Variants in SGCZ observed in about 807,000 individuals in gnomAD.
The protein encoded by SGCZ is sarcoglycan zeta, also known as zeta-sarcoglycan.
A neutral mutation model predicts 41.3 loss-of-function variants in SGCZ; 40 were observed. The ratio of observed to expected loss-of-function variants is 0.97; its 90% CI spans 0.75 to 1.26. The LOEUF (loss-of-function observed/expected upper bound fraction) is 1.26, where lower values mean the gene tolerates loss of function less well. SGCZ is among the 50% of genes most tolerant of loss of function. The probability of loss-of-function intolerance (pLI) is 0.00; values close to 1 mark genes in which losing one functional copy is unlikely to be tolerated. For synonymous variants in SGCZ, 206 were observed against 137.5 expected (o/e 1.50, Z -3.49); for missense variants, 552 against 369.8 (o/e 1.49, Z -4.04).
intron 1 of SGCZ, among the ~76,000 whole-genome samples, chr8:14,811,697 A>G (rs932663059): frequency 6.6e-6 from 1 of 151,794 alleles, no homozygotes; most frequent in Admixed American, 6.6e-5. Context: ...CCAAAAGCAC[A>G]GGTTCTGACT....
At chr8:14,115,805 G>C (rs1802504799) in intron 5 of SGCZ, among the ~76,000 whole-genome samples, 1 of 151,664 alleles carries the variant, frequency 6.6e-6, no homozygotes, top group Non-Finnish European at 1.5e-5. Flanking sequence ...TGGGGGGTGG[G>C]GGTGGAAATT....
chr8:14,102,592 C>T, intron 6 of SGCZ, 93 bp from the exon 7 acceptor site: 8 of 1,147,816 alleles, frequency 7.0e-6, no homozygotes, highest in Non-Finnish European at 8.8e-6. Flanking sequence ...TAGAAGACAA[C>T]ATTGGTCAAA....
At chr8:14,842,579 A>G (rs891240044) in intron 1 of SGCZ, among the ~76,000 whole-genome samples, 1 of 152,148 alleles carries the variant, frequency 6.6e-6, no homozygotes, top group African/African-American at 2.4e-5. Context: ...AACATAGGGC[A>G]GAGTTATTTG....
chr8:14,805,602 G>A (rs1801494205), intron 1 of SGCZ, among the ~76,000 whole-genome samples: 1 of 138,456 alleles, frequency 7.2e-6, no homozygotes, highest in Non-Finnish European at 1.6e-5. Context: ...GACCTACAAA[G>A]AGACTTAGAC....
chr8:14,745,394 G>A (rs1380059726), intron 1 of SGCZ, among the ~76,000 whole-genome samples: 4 of 152,074 alleles, frequency 2.6e-5, no homozygotes, highest in Non-Finnish European at 5.9e-5. Flanking sequence ...GGAGCCTTGT[G>A]GAAATTCCAA....
chr8:14,514,242 T>G (rs962284126), intron 2 of SGCZ, among the ~76,000 whole-genome samples: 1 of 152,078 alleles, frequency 6.6e-6, no homozygotes, highest in Non-Finnish European at 1.5e-5. Context: ...AAGCAAGCAC[T>G]TGATACGGTA....
chr8:14,942,903 T>G (rs899572998), intron 1 of SGCZ, among the ~76,000 whole-genome samples: 6 of 152,156 alleles, frequency 3.9e-5, no homozygotes, highest in Non-Finnish European at 7.4e-5. Flanking sequence ...CCCCAAATAC[T>G]GACAGTAGGC....
At chr8:14,987,461 G>A (rs1478537731) in intron 1 of SGCZ, among the ~76,000 whole-genome samples, 2 of 151,906 alleles carry the variant, frequency 1.3e-5, no homozygotes, top group African/African-American at 4.8e-5. Flanking sequence ...GCCAATAACT[G>A]ATCATCTTTC....
intron 2 of SGCZ, among the ~76,000 whole-genome samples, chr8:14,545,276 G>A (rs898047310): frequency 2.6e-5 from 4 of 152,060 alleles, no homozygotes; most frequent in Non-Finnish European, 2.9e-5. Flanking sequence ...AAAGGACAGT[G>A]ATGCTATTAT....
At chr8:15,094,537 C>A (rs1410466632) in intron 1 of SGCZ, among the ~76,000 whole-genome samples, 1 of 152,134 alleles carries the variant, frequency 6.6e-6, no homozygotes, top group Non-Finnish European at 1.5e-5. Context: ...GAAAGAATAG[C>A]AAATTCTATA....
At position 14,935,929 on chromosome 8, in the gene SGCZ, T is replaced by C. The variant is rs529043275; in HGVS notation, c.39+301656A>G. ...AAACAAAGAGAGCTGATTTGCTCTA[T>C]TTGTATCAGACACAGAAAATAATTT... On this transcript the variant is annotated intron_variant, in intron 1 of 7. Coordinates refer to ENST00000382080, the MANE Select transcript of SGCZ (RefSeq NM_139167.4). 2.0e-4 allele frequency among the ~76,000 whole-genome samples: 30 copies of C among 152,022 alleles called. No homozygotes were observed. The South Asian group carries it at 6.0e-3, about 31-fold the overall frequency.
chr8:14,783,103 C>A (rs552109428), intron 1 of SGCZ, among the ~76,000 whole-genome samples: 1 of 151,936 alleles, frequency 6.6e-6, no homozygotes, highest in Non-Finnish European at 1.5e-5. Context: ...TAGAAAATTG[C>A]AAATAAAATA....
chr8:15,039,268 A>G (rs1456044060), intron 1 of SGCZ, among the ~76,000 whole-genome samples: 1 of 152,226 alleles, frequency 6.6e-6, no homozygotes, highest in Non-Finnish European at 1.5e-5. Flanking sequence ...AAAATGTAGT[A>G]TACAATGGAA....
intron 1 of SGCZ, among the ~76,000 whole-genome samples, chr8:15,159,532 T>G (rs577917668): frequency 1.3e-5 from 2 of 152,226 alleles, no homozygotes; most frequent in East Asian, 3.9e-4. Flanking sequence ...TCCAGGTAGA[T>G]GCTGCCAGAG....
intron 2 of SGCZ, among the ~76,000 whole-genome samples, chr8:14,430,146 A>G (rs1264886715): frequency 7.0e-6 from 1 of 143,720 alleles, no homozygotes; most frequent in African/African-American, 2.4e-5. Context: ...TTCCATTGAC[A>G]CTATTCCCAC....
At chr8:14,768,140 A>C (rs1409572188) in intron 1 of SGCZ, among the ~76,000 whole-genome samples, 2 of 152,192 alleles carry the variant, frequency 1.3e-5, no homozygotes, top group African/African-American at 2.4e-5. Flanking sequence ...AAGAGAAAAT[A>C]TGTTTAACTC....
intron 1 of SGCZ, among the ~76,000 whole-genome samples, chr8:14,700,389 T>G (rs1563210994): frequency 6.6e-6 from 1 of 151,994 alleles, no homozygotes; most frequent in Non-Finnish European, 1.5e-5. Flanking sequence ...TGTTATCTAT[T>G]ATAAATGGGA....
At chr8:14,540,220 A>ATTT (rs11428713) in intron 2 of SGCZ, among the ~76,000 whole-genome samples, 20 of 48,710 alleles carry the variant, frequency 4.1e-4, no homozygotes, top group African/African-American at 7.3e-4. Flanking sequence ...TCTCTGCTTA[A>ATTT]TTTTTTTTTT....
At chr8:14,932,496 TC>T (rs1799947419) in intron 1 of SGCZ, among the ~76,000 whole-genome samples, 2 of 151,968 alleles carry the variant, frequency 1.3e-5, no homozygotes, top group Non-Finnish European at 2.9e-5. Context: ...ATTTGGTACT[TC>T]AAATTTTCCC....
Sources: gnomAD v4.1 joint callset for allele counts (sites outside exome capture counted in the v4.1 genomes callset) on GRCh38, gnomAD v4.1.1 for gene constraint, MANE v1.5 for transcripts, NCBI Gene and HGNC (gene_info 2026-07-23, HGNC 2026-07-21) for gene names.